The following STARD13 variants were observed in gnomAD, a reference collection of about 807,000 sequenced individuals.
STARD13 encodes StAR related lipid transfer domain containing 13, also known as stAR-related lipid transfer protein 13.
A neutral mutation model predicts 106.4 loss-of-function variants in STARD13; 62 were observed. That is an observed-to-expected ratio of 0.58 (90% CI 0.48 to 0.72). The LOEUF is 0.72. Among genes scored for constraint, STARD13 ranks in the 30% least tolerant of loss-of-function variants. STARD13 has a pLI of 0.00. For missense variants in STARD13, 1,387 were observed against 1,424.0 expected, an observed-to-expected ratio of 0.97 and a Z score of 0.42; for synonymous variants, 565 against 553.0, an observed-to-expected ratio of 1.02 and a Z score of -0.31.
chr13:33,129,207 CA>C lies in STARD13; in HGVS notation c.1469del (p.Leu490ArgfsTer10). Reference protein sequence around the residue: ...DDLFPHLDDILQHVNGLQEVV... With the variant: ...DDLFPHLDDIXQHVNGLQEVV... ...CCTCTTGGAGCCCATTGACATGCTG[CA>C]GAATGTCATCCAAGTGAGGGAAAAG... On this transcript the variant is annotated frameshift_variant, in exon 5 of 14. Transcript: ENST00000336934. LOFTEE classifies it high-confidence loss of function. 1 of 1,614,188 alleles carries C rather than the reference CA, an allele frequency of 6.2e-7. No homozygotes were observed. Among genetic ancestry groups the C allele is most frequent in the Non-Finnish European group, 8.5e-7 (1 of 1,180,028 alleles).
At chr13:33,184,029 G>A (rs1416801629) in intron 1 of STARD13, among the ~76,000 whole-genome samples, 1 of 152,226 alleles carries the variant, frequency 6.6e-6, no homozygotes, top group East Asian at 1.9e-4. Flanking sequence ...GTAATGGGAT[G>A]AGTTTTTTGG....
At chr13:33,543,838 G>A in the STARD13 span, among the ~76,000 whole-genome samples, 1 of 152,192 alleles carries the variant, frequency 6.6e-6, no homozygotes, top group South Asian at 2.1e-4. Flanking sequence ...TTAGAGTTCA[G>A]GATTGCTTTG....
chr13:33,206,343 C>T (rs1000897362), intron 1 of STARD13, among the ~76,000 whole-genome samples: 4 of 148,210 alleles, frequency 2.7e-5, no homozygotes, highest in African/African-American at 5.0e-5. Flanking sequence ...TAATAAGACT[C>T]GAAAGAAGAT....
At chr13:33,187,134 T>C (rs969768321) in intron 1 of STARD13, among the ~76,000 whole-genome samples, 2 of 152,188 alleles carry the variant, frequency 1.3e-5, no homozygotes, top group African/African-American at 2.4e-5. Context: ...TCCTGTCCTC[T>C]AACCTTGTGG....
At chr13:33,591,438 A>C in the STARD13 span, among the ~76,000 whole-genome samples, 5 of 152,190 alleles carry the variant, frequency 3.3e-5, no homozygotes, top group Admixed American at 6.5e-5. Flanking sequence ...GCCATAATAT[A>C]AGTTCTTGTC....
chr13:33,358,966 G>A, the STARD13 span, among the ~76,000 whole-genome samples: 10 of 152,094 alleles, frequency 6.6e-5, no homozygotes, highest in Admixed American at 1.3e-4. Flanking sequence ...TGATGGGGAC[G>A]TGGAGAACCT....
At chr13:33,148,317 C>T (rs1157971506) in intron 3 of STARD13, among the ~76,000 whole-genome samples, 2 of 152,098 alleles carry the variant, frequency 1.3e-5, no homozygotes, top group Non-Finnish European at 2.9e-5. Flanking sequence ...AGCATATTTG[C>T]AAAAGATATC....
At chr13:33,625,040 G>A in the STARD13 span, among the ~76,000 whole-genome samples, 1 of 152,326 alleles carries the variant, frequency 6.6e-6, no homozygotes, top group East Asian at 1.9e-4. Context: ...GCCATCCTGA[G>A]GGCAGCAGTG....
chr13:33,280,125 T>C (rs1891695461), intron 1 of STARD13: 1 of 152,196 alleles, frequency 6.6e-6, no homozygotes, highest in African/African-American at 2.4e-5. Context: ...GAAAGGGCAA[T>C]TCCAAAAGAA....
chr13:33,201,727 T>C (rs1887053693), intron 1 of STARD13, among the ~76,000 whole-genome samples: 1 of 152,200 alleles, frequency 6.6e-6, no homozygotes, highest in Admixed American at 6.5e-5. Flanking sequence ...AAAGGTTACC[T>C]TATTTTCAAC....
chr13:33,394,589 G>C, the STARD13 span, among the ~76,000 whole-genome samples: 1 of 152,182 alleles, frequency 6.6e-6, no homozygotes, highest in Non-Finnish European at 1.5e-5. Context: ...TTACGAGGAT[G>C]TTTAGAGTAG....
At chr13:33,472,110 T>G in the STARD13 span, among the ~76,000 whole-genome samples, 1 of 152,086 alleles carries the variant, frequency 6.6e-6, no homozygotes, top group Non-Finnish European at 1.5e-5. Flanking sequence ...ATTTAAAAAA[T>G]TTGCTTTTCA....
At chr13:33,117,532 T>C in intron 8 of STARD13, 1 of 773,514 alleles carries the variant, frequency 1.3e-6, no homozygotes, top group Non-Finnish European at 1.6e-6. Flanking sequence ...CTTAACATTA[T>C]TAAAAAAAAT....
chr13:33,126,026 AT>A (rs1264121833), intron 7 of STARD13, 54 bp downstream of exon 7: 6 of 1,599,084 alleles, frequency 3.8e-6, no homozygotes, highest in Non-Finnish European at 5.1e-6. Context: ...CATCCCCTCA[AT>A]CCAATCCCAT....
the STARD13 span, among the ~76,000 whole-genome samples, chr13:33,541,975 T>G: frequency 6.6e-6 from 1 of 152,182 alleles, no homozygotes; most frequent in Non-Finnish European, 1.5e-5. Flanking sequence ...CACAAGAGGC[T>G]TTCCTTTAAA....
the STARD13 span, among the ~76,000 whole-genome samples, chr13:33,586,966 C>T: frequency 6.6e-6 from 1 of 152,148 alleles, no homozygotes; most frequent in Non-Finnish European, 1.5e-5. Flanking sequence ...GTAATCCTAG[C>T]ACTTTGGGAG....
the STARD13 span, among the ~76,000 whole-genome samples, chr13:33,445,309 C>G: frequency 6.6e-6 from 1 of 152,136 alleles, no homozygotes; most frequent in Non-Finnish European, 1.5e-5. Flanking sequence ...CTGCCCTTTA[C>G]TTTATTCAGA....
the STARD13 span, among the ~76,000 whole-genome samples, chr13:33,516,053 T>A: frequency 4.6e-5 from 7 of 151,224 alleles, no homozygotes; most frequent in African/African-American, 1.2e-4. Flanking sequence ...AAAGCAGTTT[T>A]TATATATATA....
chr13:33,530,636 T>G, the STARD13 span, among the ~76,000 whole-genome samples: 5 of 152,230 alleles, frequency 3.3e-5, no homozygotes, highest in Non-Finnish European at 7.3e-5. Flanking sequence ...AATTAAGATT[T>G]GGGTTTAATC....
Sources: allele counts gnomAD v4.1 joint callset (sites outside exome capture counted in the v4.1 genomes callset), GRCh38; gene constraint gnomAD v4.1.1; transcripts MANE v1.5; gene names NCBI Gene and HGNC (gene_info 2026-07-23, HGNC 2026-07-21).